NUP155: variants seen among roughly 807,000 people sequenced by gnomAD.
The protein encoded by NUP155 is nucleoporin 155, also known as nuclear pore complex protein Nup155.
In NUP155, 71 loss-of-function variants were observed where a neutral mutation model predicts 180.4. The ratio of observed to expected loss-of-function variants is 0.39; its 90% confidence interval spans 0.33 to 0.48. NUP155 has a LOEUF of 0.48. NUP155 is among the 20% of genes least tolerant of loss of function. NUP155 has a pLI of 0.91. For synonymous variants in NUP155, 582 were observed against 559.5 expected, an observed-to-expected ratio of 1.04 and a Z score of -0.57; for missense variants, 1,553 against 1,648.9, an observed-to-expected ratio of 0.94 and a Z score of 1.01.
At chr5:37,351,417 T>A in intron 5 of NUP155, 61 bp from the exon 6 acceptor site, 1 of 1,184,294 alleles carries the variant, frequency 8.4e-7, no homozygotes, top group East Asian at 2.3e-5. Context: ...TAAAAATCTT[T>A]GCATTATCAT....
intron 1 of NUP155, among the ~76,000 whole-genome samples, chr5:37,365,870 C>G (rs1284372289): frequency 1.3e-5 from 2 of 149,554 alleles, no homozygotes; most frequent in Non-Finnish European, 3.0e-5. Flanking sequence ...TATCATTTTG[C>G]TAATCTGAAA....
At chr5:37,367,601 C>T (rs1438989769) in intron 1 of NUP155, among the ~76,000 whole-genome samples, 1 of 151,260 alleles carries the variant, frequency 6.6e-6, no homozygotes, top group Admixed American at 6.6e-5. Context: ...GGCGCGATCT[C>T]GGCTCACTGC....
intron 30 of NUP155, among the ~76,000 whole-genome samples, chr5:37,300,015 C>T (rs1742780510): frequency 6.7e-6 from 1 of 148,240 alleles, no homozygotes; most frequent in African/African-American, 2.5e-5. Context: ...AAGACTCTGT[C>T]TCCCCCCGCC....
intron 7 of NUP155, 79 bp from the exon 8 acceptor site, chr5:37,349,324 C>A: frequency 2.2e-6 from 1 of 452,460 alleles, no homozygotes; most frequent in Non-Finnish European, 4.0e-6. Context: ...CTAGTTACAA[C>A]AAACTGTTGA....
chr5:37,339,149 A>C (rs1003300615), intron 11 of NUP155, among the ~76,000 whole-genome samples: 1 of 152,018 alleles, frequency 6.6e-6, no homozygotes, highest in Non-Finnish European at 1.5e-5. Flanking sequence ...CAGGCTGATC[A>C]CTTGAGCCCA....
At chr5:37,337,454 A>G (rs1443209215) in intron 12 of NUP155, among the ~76,000 whole-genome samples, 2 of 152,154 alleles carry the variant, frequency 1.3e-5, no homozygotes, top group Non-Finnish European at 2.9e-5. Flanking sequence ...AGATGGCCTC[A>G]TATTTAAATA....
chr5:37,337,076 C>A (rs1020034990), intron 12 of NUP155, among the ~76,000 whole-genome samples: 1 of 152,058 alleles, frequency 6.6e-6, no homozygotes, highest in Non-Finnish European at 1.5e-5. Flanking sequence ...GCAGAGGACA[C>A]CAAGGGGATG....
At position 37,342,618 on chromosome 5, in the gene NUP155, T is replaced by C. The variant is rs755366706; in HGVS notation, c.1024A>G (p.Ile342Val). Reference sequence around the variant, plus strand: ...TTTTCAATCACTGCTATTTGGACAATTGGTTTAAAAACAGAACGATCGATG... The same window carrying C: ...TTTTCAATCACTGCTATTTGGACAACTGGTTTAAAAACAGAACGATCGATG... ...RTIDRSVFKP[I>V]VQIAVIENSE... Residue 342 changes from isoleucine (I) to valine (V), a missense_variant, in exon 10 of 35, where the codon ATT (isoleucine) becomes GTT (valine). Physicochemically the swap from Ile to Val is conservative, Grantham distance 29 (BLOSUM62 3). Transcript: ENST00000231498. 4 of 1,612,788 alleles carry C rather than the reference T, an allele frequency of 2.5e-6. No individual in the cohort carries two copies. The highest frequency in any genetic ancestry group is 1.1e-5 in the South Asian group (1 of 91,048).
intron 12 of NUP155, among the ~76,000 whole-genome samples, chr5:37,334,449 G>C (rs2150969940): frequency 6.6e-6 from 1 of 151,484 alleles, no homozygotes; most frequent in African/African-American, 2.4e-5. Flanking sequence ...GGCCTAATCA[G>C]AGCCCACTGT....
intron 15 of NUP155, 147 bp from the exon 16 acceptor site, chr5:37,329,425 G>T: frequency 1.5e-6 from 1 of 671,786 alleles, no homozygotes; most frequent in Non-Finnish European, 2.7e-6. Flanking sequence ...TAAAGTATAT[G>T]CATAAGACTT....
intron 9 of NUP155, among the ~76,000 whole-genome samples, chr5:37,344,871 C>CA (rs34103075): frequency 0.16 from 11,978 of 74,928 alleles, 610 homozygotes; most frequent in Middle Eastern, 0.28. Context: ...GACTCCATCT[C>CA]AAAAAAAAAA....
chr5:37,321,842 G>C (rs1744265712), intron 20 of NUP155, among the ~76,000 whole-genome samples: 1 of 152,036 alleles, frequency 6.6e-6, no homozygotes, highest in Admixed American at 6.6e-5. Context: ...ATTTATGTAT[G>C]CTTTATTATT....
At chr5:37,351,648 A>G (rs13189465) in intron 5 of NUP155, among the ~76,000 whole-genome samples, 9 of 151,342 alleles carry the variant, frequency 5.9e-5, no homozygotes, top group South Asian at 2.1e-4. Context: ...GCAAGGTTTC[A>G]CCGTGTTAGC....
intron 9 of NUP155, 32 bp from the exon 10 acceptor site, chr5:37,342,678 T>A: frequency 7.9e-7 from 1 of 1,271,384 alleles, no homozygotes; most frequent in South Asian, 1.2e-5. Context: ...AGTGTATTTT[T>A]AAAATGTGTC....
At chr5:37,368,376 T>G (rs1312660051) in intron 1 of NUP155, among the ~76,000 whole-genome samples, 2 of 151,926 alleles carry the variant, frequency 1.3e-5, no homozygotes, top group Non-Finnish European at 2.9e-5. Context: ...TGTGTCACCA[T>G]GCCAAGCTAA....
Position 37,334,454 on chromosome 5 carries a change from C to G in NUP155, c.1348-821G>C, listed in dbSNP as rs76533821. ...GGAGTGCAGTGGCCTAATCAGAGCCCACTGTAACGTCTGCTTCCCAGGTTC... is the reference window on the plus strand; with the variant it reads ...GGAGTGCAGTGGCCTAATCAGAGCCGACTGTAACGTCTGCTTCCCAGGTTC... On this transcript the variant is annotated intron_variant, in intron 12 of 34. Transcript: ENST00000231498. 2.0e-5 allele frequency among the ~76,000 whole-genome samples: 3 copies of G among 151,934 alleles called. No homozygotes were observed. In the East Asian group the frequency reaches 5.8e-4, roughly 29 times the overall value.
intron 12 of NUP155, among the ~76,000 whole-genome samples, chr5:37,336,763 TCTTTGAAC>T (rs1745352960): frequency 6.6e-6 from 1 of 152,156 alleles, no homozygotes; most frequent in Non-Finnish European, 1.5e-5. Context: ...CTACCCCAGC[TCTTTGAAC>T]CTTGTCAGAA....
intron 7 of NUP155, 78 bp downstream of exon 7, chr5:37,350,082 T>C: frequency 2.0e-6 from 2 of 982,054 alleles, no homozygotes; most frequent in Non-Finnish European, 3.3e-6. Flanking sequence ...TTAAGAATGA[T>C]AATTTCTGAA....
intron 19 of NUP155, among the ~76,000 whole-genome samples, chr5:37,325,504 CCT>C (rs1279170140): frequency 6.6e-6 from 1 of 152,064 alleles, no homozygotes; most frequent in Non-Finnish European, 1.5e-5. Flanking sequence ...GCTGAGGCCC[CCT>C]GCCTGTAATC....
Sources: gnomAD v4.1 joint callset for allele counts (sites outside exome capture counted in the v4.1 genomes callset) on GRCh38, gnomAD v4.1.1 for gene constraint, MANE v1.5 for transcripts, NCBI Gene and HGNC (gene_info 2026-07-23, HGNC 2026-07-21) for gene names.